SEPTIN9: variants seen among roughly 807,000 people sequenced by gnomAD.
The protein encoded by SEPTIN9 is septin-9.
Under a neutral mutation model 56.6 loss-of-function variants are expected in SEPTIN9, and 13 were observed. The observed-to-expected ratio is 0.23, with a 90% CI of 0.15 to 0.37. The LOEUF is 0.37. Ranked by LOEUF, SEPTIN9 falls within the 10% of genes least tolerant of loss-of-function variation. SEPTIN9 has a pLI of 1.00. For missense variants in SEPTIN9, 650 were observed against 823.1 expected (o/e 0.79, Z 2.57); for synonymous variants, 332 against 334.1 (o/e 0.99, Z 0.07).
Position 77,330,847 on chromosome 17 carries a change from C to T in SEPTIN9, c.76+23650C>T, listed in dbSNP as rs1354027718. 6.6e-6 allele frequency among the ~76,000 whole-genome samples: 1 copy of T among 152,228 alleles called. No homozygotes were observed. The highest frequency in any genetic ancestry group is 1.5e-5 in the Non-Finnish European group (1 of 68,036). On this transcript the variant is annotated intron_variant, in intron 2 of 11. Coordinates refer to ENST00000427177, the MANE Select transcript of SEPTIN9 (RefSeq NM_001113491.2). The surrounding 1 kb of genome is among the most constrained non-coding windows in gnomAD (Gnocchi z 4.4). ...TCTCCTTCACTGTCCCTGCCTGGCCCCAGTGCTCATGTGGCTTGTGGCCCT... is the reference window on the plus strand; with the variant it reads ...TCTCCTTCACTGTCCCTGCCTGGCCTCAGTGCTCATGTGGCTTGTGGCCCT...
At chr17:77,376,255 T>TGTGGAGG in intron 2 of SEPTIN9, 1 of 986,182 alleles carries the variant, frequency 1.0e-6, no homozygotes, top group African/African-American at 1.7e-5. Flanking sequence ...TGGGCCAGGC[T>TGTGGAGG]GCGGAGGGCC....
intron 1 of SEPTIN9, among the ~76,000 whole-genome samples, chr17:77,290,547 G>T (rs968652603): frequency 6.6e-6 from 1 of 151,820 alleles, no homozygotes; most frequent in South Asian, 2.1e-4. Context: ...AATTCTTAGG[G>T]CCGGGAGCGG....
Position 77,475,654 on chromosome 17 carries a change from C to T in SEPTIN9, c.722-6490C>T. ...TGCTCCAGTGTGCATTGTTACGAGGCAAAGTAAGGAGACTGCTGGGCCCAC... is the reference window on the plus strand; with the variant it reads ...TGCTCCAGTGTGCATTGTTACGAGGTAAAGTAAGGAGACTGCTGGGCCCAC... On this transcript the variant is annotated intron_variant, in intron 3 of 11. Transcript: ENST00000427177. This position sits in a 1 kb window ranked among gnomAD's most constrained non-coding sequence, Gnocchi z 4.6. The T allele has an allele frequency of 6.2e-7, 1 of 1,613,804 alleles. No individual in the cohort carries two copies. Among genetic ancestry groups the T allele is most frequent in the Non-Finnish European group, 8.5e-7 (1 of 1,179,874 alleles).
intron 3 of SEPTIN9, among the ~76,000 whole-genome samples, chr17:77,438,199 C>T (rs2037421508): frequency 1.3e-5 from 2 of 152,196 alleles, no homozygotes; most frequent in African/African-American, 2.4e-5. Context: ...GGAGCTGCTC[C>T]AGGCACTGCA....
intron 1 of SEPTIN9, among the ~76,000 whole-genome samples, chr17:77,290,324 C>T (rs576473049): frequency 2.1e-3 from 314 of 149,804 alleles, no homozygotes; most frequent in African/African-American, 7.0e-3. Context: ...GTGGCGCGAT[C>T]TCCGCTCACT....
intron 3 of SEPTIN9, among the ~76,000 whole-genome samples, chr17:77,411,511 C>T (rs934076592): frequency 6.6e-6 from 1 of 151,940 alleles, no homozygotes; most frequent in African/African-American, 2.4e-5. Context: ...AAGCGATTCT[C>T]CTGCCTCAGC....
At position 77,349,006 on chromosome 17, in the gene SEPTIN9, G is replaced by A. The variant is rs74561654; in HGVS notation, c.76+41809G>A. ...CATGATCTTGGAGAACTTGCTTCAC[G>A]GTTTTTGTAGTGCAGGTTTGCAGAC... is the stretch of plus-strand genomic sequence containing the variant. On this transcript the variant is annotated intron_variant, in intron 2 of 11. Transcript: ENST00000427177. Among the ~76,000 whole-genome samples the A allele has an allele frequency of 4.5e-3, 681 of 152,158 alleles. 8 individuals carry two copies. The highest frequency in any genetic ancestry group is 0.015 in the African/African-American group (635 of 41,514).
chr17:77,491,805 C>CA (rs35233871), intron 8 of SEPTIN9, among the ~76,000 whole-genome samples: 32,355 of 59,180 alleles, frequency 0.55, 8,564 homozygotes, highest in Middle Eastern at 0.71. Context: ...GACTCCATCT[C>CA]AAAAAAAAAA....
rs558539990 is a variant in SEPTIN9, at chr17:77,493,136, C to T, written c.1573+60C>T. ...GGGAAGACAGTCTCTTCTGCTGACC[C>T]AGAGCCTGTGGGCCACGCCTGAGCC... On this transcript the variant is annotated intron_variant, in intron 10 of 11. Coordinates refer to ENST00000427177, the MANE Select transcript of SEPTIN9 (RefSeq NM_001113491.2). 1.4e-4 allele frequency: 185 copies of T among 1,334,196 alleles called. 1 individual carries two copies. The highest frequency in any genetic ancestry group is 1.9e-4 in the Non-Finnish European group (178 of 951,900). 82.6% of individuals were successfully genotyped at this position (1,334,196 alleles called of 1,614,324 possible). A position where few individuals can be genotyped will look rare whatever the true frequency, so the allele number is the denominator to read the frequency against.
At chr17:77,413,646 G>C (rs2036382368) in intron 3 of SEPTIN9, among the ~76,000 whole-genome samples, 1 of 151,680 alleles carries the variant, frequency 6.6e-6, no homozygotes, top group African/African-American at 2.4e-5. Context: ...CCTTAGGAGA[G>C]AGCCCCCCTC....
Position 77,435,142 on chromosome 17 carries a change from C to G in SEPTIN9, c.721+32439C>G, listed in dbSNP as rs1390171058. On this transcript the variant is annotated intron_variant, in intron 3 of 11. Coordinates refer to ENST00000427177, the MANE Select transcript of SEPTIN9 (RefSeq NM_001113491.2). This position sits in a 1 kb window ranked among gnomAD's most constrained non-coding sequence, Gnocchi z 4.5. Reference sequence around the variant, plus strand: ...TCCCATTTCACCGATGAGGAACCCACAGCCCAGAGATGTTAAGTAACCTGC... The same window carrying G: ...TCCCATTTCACCGATGAGGAACCCAGAGCCCAGAGATGTTAAGTAACCTGC... 6.6e-6 allele frequency among the ~76,000 whole-genome samples: 1 copy of G among 152,212 alleles called. No individual in the cohort carries two copies. Among genetic ancestry groups the G allele is most frequent in the African/African-American group, 2.4e-5 (1 of 41,450 alleles).
chr17:77,366,098 A>C (rs993157882), intron 2 of SEPTIN9, among the ~76,000 whole-genome samples: 6 of 151,974 alleles, frequency 3.9e-5, no homozygotes, highest in African/African-American at 1.5e-4. Context: ...GGGGGTGAGG[A>C]GGTACCAGCT....
At chr17:77,414,110 C>T (rs1236484976) in intron 3 of SEPTIN9, among the ~76,000 whole-genome samples, 2 of 152,014 alleles carry the variant, frequency 1.3e-5, no homozygotes, top group Non-Finnish European at 2.9e-5. Flanking sequence ...CGGAGTTTCA[C>T]TCTTGTCGCC....
intron 4 of SEPTIN9, among the ~76,000 whole-genome samples, chr17:77,484,490 A>T (rs868848867): frequency 1.0e-5 from 1 of 97,690 alleles, no homozygotes. Flanking sequence ...GATGGTGGTG[A>T]TGATGGTGAT....
rs898148590 is a variant in SEPTIN9, at chr17:77,445,221, G to T, written c.722-36923G>T. The T allele has an allele frequency of 2.1e-6, 1 of 470,978 alleles. No individual in the cohort carries two copies. The highest frequency in any genetic ancestry group is 4.4e-6 in the Non-Finnish European group (1 of 227,052). 29.2% of individuals were successfully genotyped at this position (470,978 alleles called of 1,614,324 possible). On this transcript the variant is annotated intron_variant, in intron 3 of 11. Coordinates refer to ENST00000427177, the MANE Select transcript of SEPTIN9 (RefSeq NM_001113491.2). This position sits in a 1 kb window ranked among gnomAD's most constrained non-coding sequence, Gnocchi z 4.7. ...TGGGTAGAAATGTGGGCTGCCTCGG[G>T]GCGTCACAGCTACAAATGCATACCA... is the stretch of plus-strand genomic sequence containing the variant.
intron 1 of SEPTIN9, among the ~76,000 whole-genome samples, chr17:77,283,333 T>C (rs1321291668): frequency 6.6e-6 from 1 of 152,056 alleles, no homozygotes; most frequent in Non-Finnish European, 1.5e-5. Flanking sequence ...AGACCATTTC[T>C]GGTTTGCTCC....
chr17:77,482,241 G>A lies in SEPTIN9; in HGVS notation c.819G>A (p.Pro273=), dbSNP rs751622773. ...QAPASRNEKA[P]VDFGYVGIDS... ...CTGCATCACGGAACGAGAAGGCCCC[G>A]GTGGACTTCGGCTACGTGGGGATTG... Residue 273 remains proline, a synonymous_variant, in exon 4 of 12, where the codon CCG becomes CCA. Coordinates refer to ENST00000427177, the MANE Select transcript of SEPTIN9 (RefSeq NM_001113491.2). 1.1e-5 allele frequency: 17 copies of A among 1,612,924 alleles called. No individual in the cohort carries two copies. In the South Asian group the frequency reaches 1.1e-4, roughly 10 times the overall value.
At chr17:77,409,103 G>A (rs972392319) in intron 3 of SEPTIN9, among the ~76,000 whole-genome samples, 8 of 152,082 alleles carry the variant, frequency 5.3e-5, no homozygotes, top group South Asian at 2.1e-4. Flanking sequence ...GGAAGGTCCC[G>A]CTGCTCCCAC....
rs976482061 is a variant in SEPTIN9, at chr17:77,356,122, A to G, written c.77-45937A>G. 5.4e-4 allele frequency among the ~76,000 whole-genome samples: 82 copies of G among 152,274 alleles called. 1 individual carries two copies. The highest frequency in any genetic ancestry group is 9.3e-4 in the Non-Finnish European group (63 of 68,020). ...GCCAGGAGACCAGGGCTGCCCTCTC[A>G]GGTGACCAATCACAGAGACTCAGGG... On this transcript the variant is annotated intron_variant, in intron 2 of 11. Coordinates refer to ENST00000427177, the MANE Select transcript of SEPTIN9 (RefSeq NM_001113491.2).
Sources: gnomAD v4.1 joint callset for allele counts (sites outside exome capture counted in the v4.1 genomes callset) on GRCh38, gnomAD v4.1.1 for gene constraint, Gnocchi (gnomAD v3.1) non-coding constraint, MANE v1.5 for transcripts, NCBI Gene and HGNC (gene_info 2026-07-23, HGNC 2026-07-21) for gene names.